Variants in FBXL2 observed in about 807,000 individuals in gnomAD.
The protein encoded by FBXL2 is F-box/LRR-repeat protein 2.
FBXL2 carries 38 observed loss-of-function variants against 69.2 expected under a neutral mutation model. The observed-to-expected ratio is 0.55, with a 90% confidence interval of 0.42 to 0.72. FBXL2 has a LOEUF of 0.72. Ranked by LOEUF, FBXL2 falls within the 30% of genes least tolerant of loss-of-function variation. The probability of loss-of-function intolerance (pLI) is 0.00; values close to 1 mark genes in which losing one functional copy is unlikely to be tolerated. For synonymous variants in FBXL2, 192 were observed against 201.3 expected, an observed-to-expected ratio of 0.95 and a Z score of 0.39; for missense variants, 354 against 520.3, an observed-to-expected ratio of 0.68 and a Z score of 3.11.
chr3:33,365,234 C>A (rs1017286482), intron 5 of FBXL2, among the ~76,000 whole-genome samples: 3 of 151,728 alleles, frequency 2.0e-5, no homozygotes, highest in African/African-American at 7.3e-5. Flanking sequence ...ATATCCTATA[C>A]AACCAAATAT....
At chr3:33,412,914 AG>A in the FBXL2 span, 1 of 866,586 alleles carries the variant, frequency 1.2e-6, no homozygotes, top group Non-Finnish European at 2.0e-6. Context: ...GTTAACCTGT[AG>A]CAGTAGAACA....
intron 2 of FBXL2, among the ~76,000 whole-genome samples, chr3:33,327,421 A>G (rs1018225335): frequency 2.0e-5 from 3 of 152,062 alleles, no homozygotes; most frequent in Non-Finnish European, 2.9e-5. Context: ...TGTTTGTCCT[A>G]TAATCCACCC....
chr3:33,380,102 G>A (rs1447178919), intron 13 of FBXL2, among the ~76,000 whole-genome samples: 3 of 151,640 alleles, frequency 2.0e-5, no homozygotes, highest in African/African-American at 4.9e-5. Context: ...GCACACGCCT[G>A]TAGTCCCAGC....
At chr3:33,408,332 G>C (rs2044483823), downstream of FBXL2, among the ~76,000 whole-genome samples, 1 of 152,078 alleles carries the variant, frequency 6.6e-6, no homozygotes, top group Admixed American at 6.6e-5. Context: ...ATTTACTAAA[G>C]AAAGTATTTT....
chr3:33,299,228 G>C (rs1036414450), intron 2 of FBXL2, among the ~76,000 whole-genome samples: 3 of 151,978 alleles, frequency 2.0e-5, no homozygotes, highest in African/African-American at 2.4e-5. Context: ...TTTTAGTAGA[G>C]ACGGGGTTTC....
chr3:33,412,344 TAAAAA>T, the FBXL2 span, among the ~76,000 whole-genome samples: 2 of 150,322 alleles, frequency 1.3e-5, no homozygotes, highest in African/African-American at 4.9e-5. Context: ...GGGAAAAAAA[TAAAAA>T]GAAAATAATG....
At chr3:33,401,721 GGC>G (rs1352041038) in intron 12 of FBXL2, among the ~76,000 whole-genome samples, 1 of 152,124 alleles carries the variant, frequency 6.6e-6, no homozygotes, top group Non-Finnish European at 1.5e-5. Flanking sequence ...TGTCTGTTTG[GGC>G]ACTAATGTAT....
At chr3:33,338,347 G>A (rs984194553) in intron 2 of FBXL2, among the ~76,000 whole-genome samples, 9 of 152,114 alleles carry the variant, frequency 5.9e-5, no homozygotes, top group Non-Finnish European at 1.3e-4. Context: ...GGGAGGTGAA[G>A]GTTGCAGTGA....
chr3:33,284,490 T>G (rs956732436), intron 1 of FBXL2, among the ~76,000 whole-genome samples: 2 of 152,342 alleles, frequency 1.3e-5, no homozygotes, highest in African/African-American at 4.8e-5. Context: ...TTGGAATAAG[T>G]GCAATGTGAT....
At chr3:33,390,177 C>T, downstream of FBXL2, 1 of 715,766 alleles carries the variant, frequency 1.4e-6, no homozygotes, top group Non-Finnish European at 2.3e-6. Context: ...AGGAGATTCA[C>T]CTCTCATACA....
intron 2 of FBXL2, among the ~76,000 whole-genome samples, chr3:33,337,206 AAAAC>A (rs575531844): frequency 2.8e-4 from 43 of 152,312 alleles, no homozygotes; most frequent in East Asian, 1.9e-3. Flanking sequence ...CTCCGTCTCA[AAAAC>A]AAACAAACAA....
At chr3:33,422,078 G>T in the FBXL2 span, among the ~76,000 whole-genome samples, 2 of 152,060 alleles carry the variant, frequency 1.3e-5, no homozygotes, top group Non-Finnish European at 2.9e-5. Context: ...AAAAGAAAAA[G>T]AAAAGCAAGT....
intron 1 of FBXL2, among the ~76,000 whole-genome samples, chr3:33,283,224 C>A (rs1352814907): frequency 6.6e-6 from 1 of 152,178 alleles, no homozygotes; most frequent in East Asian, 1.9e-4. Context: ...TATGTTCCAT[C>A]ATTACCTAGT....
At chr3:33,358,659 TAG>T (rs2041391198) in intron 2 of FBXL2, among the ~76,000 whole-genome samples, 1 of 152,240 alleles carries the variant, frequency 6.6e-6, no homozygotes, top group South Asian at 2.1e-4. Flanking sequence ...GGGCTTATGC[TAG>T]AGAGTTGGTC....
At chr3:33,340,471 A>G (rs1289297196) in intron 2 of FBXL2, among the ~76,000 whole-genome samples, 3 of 151,760 alleles carry the variant, frequency 2.0e-5, no homozygotes, top group Non-Finnish European at 4.4e-5. Context: ...TGGAACTAGA[A>G]CACCTTATTG....
chr3:33,364,437 A>G (rs491875), intron 4 of FBXL2, 188 bp from the exon 5 acceptor site: 7 of 609,588 alleles, frequency 1.1e-5, no homozygotes, highest in Admixed American at 6.1e-5. Flanking sequence ...CTTTAATTGG[A>G]CCATTTTTCA....
rs142478965 is a variant in FBXL2, at chr3:33,327,821, C to T, written c.65+30096C>T. Reference sequence around the variant, plus strand: ...GCCTACTTTCACCATTTATATTCAGCATGATACTAGAAATCCTGGCCAGTG... The same window carrying T: ...GCCTACTTTCACCATTTATATTCAGTATGATACTAGAAATCCTGGCCAGTG... On this transcript the variant is annotated intron_variant, in intron 2 of 14. Coordinates refer to ENST00000484457, the MANE Select transcript of FBXL2 (RefSeq NM_012157.5). 1.3e-3 allele frequency among the ~76,000 whole-genome samples: 193 copies of T among 152,128 alleles called. 1 individual carries two copies. The highest frequency in any genetic ancestry group is 4.1e-3 in the Admixed American group (62 of 15,264).
At chr3:33,407,699 T>C (rs1188164967), downstream of FBXL2, among the ~76,000 whole-genome samples, 1 of 152,320 alleles carries the variant, frequency 6.6e-6, no homozygotes, top group Non-Finnish European at 1.5e-5. Context: ...TGATAGTGCT[T>C]GTGACAGTAA....
At chr3:33,407,270 A>C (rs1234476003), downstream of FBXL2, among the ~76,000 whole-genome samples, 1 of 152,186 alleles carries the variant, frequency 6.6e-6, no homozygotes, top group Non-Finnish European at 1.5e-5. Context: ...AAGAATCATT[A>C]AGAATTTACC....
Sources: gnomAD v4.1 joint callset for allele counts (sites outside exome capture counted in the v4.1 genomes callset) on GRCh38, gnomAD v4.1.1 for gene constraint, MANE v1.5 for transcripts, NCBI Gene and HGNC (gene_info 2026-07-23, HGNC 2026-07-21) for gene names.